The following SPAG16 variants were observed in gnomAD, a reference collection of about 807,000 sequenced individuals.
SPAG16 encodes the protein sperm-associated antigen 16 protein.
SPAG16 carries 86 observed loss-of-function variants against 80.4 expected under a neutral mutation model. The ratio of observed to expected loss-of-function variants is 1.07; its 90% CI spans 0.90 to 1.28. The LOEUF (loss-of-function observed/expected upper bound fraction) is 1.28. Among genes scored for constraint, SPAG16 ranks in the 50% most tolerant of loss-of-function variants. The probability of loss-of-function intolerance (pLI) is 0.00; values close to 1 mark genes in which losing one functional copy is unlikely to be tolerated. For synonymous variants in SPAG16, 294 were observed against 265.9 expected (o/e 1.11, Z -1.03); for missense variants, 870 against 765.3 (o/e 1.14, Z -1.61).
chr2:213,653,493 T>A (rs545695088), intron 10 of SPAG16, among the ~76,000 whole-genome samples: 1 of 152,328 alleles, frequency 6.6e-6, no homozygotes, highest in Admixed American at 6.5e-5. Context: ...TCAAGTGAGA[T>A]AATTTGTTGC....
intron 10 of SPAG16, among the ~76,000 whole-genome samples, chr2:213,765,089 C>T (rs544867410): frequency 1.4e-4 from 22 of 152,290 alleles, no homozygotes; most frequent in Admixed American, 4.6e-4. Flanking sequence ...AAACAGAGGC[C>T]GGGCACGATG....
chr2:213,416,460 A>C (rs1408105748), intron 9 of SPAG16, among the ~76,000 whole-genome samples: 2 of 151,910 alleles, frequency 1.3e-5, no homozygotes, highest in African/African-American at 4.8e-5. Context: ...TGTAAACACT[A>C]TTTCAGGGAA....
At chr2:213,553,077 C>G (rs2076834632) in intron 10 of SPAG16, among the ~76,000 whole-genome samples, 1 of 152,150 alleles carries the variant, frequency 6.6e-6, no homozygotes, top group African/African-American at 2.4e-5. Context: ...GGGACTTCAC[C>G]TTCACCTTGT....
chr2:214,366,399 G>A (rs1699484289), intron 15 of SPAG16, among the ~76,000 whole-genome samples: 2 of 152,110 alleles, frequency 1.3e-5, no homozygotes, highest in Non-Finnish European at 2.9e-5. Context: ...GAGAGTTTTG[G>A]TACGACCTAC....
chr2:213,343,468 T>A (rs1409886086), intron 6 of SPAG16, among the ~76,000 whole-genome samples: 1 of 151,676 alleles, frequency 6.6e-6, no homozygotes, highest in Non-Finnish European at 1.5e-5. Flanking sequence ...ATAAATAAAG[T>A]TTATACGTAT....
At chr2:213,778,222 T>A (rs1368865996) in intron 10 of SPAG16, among the ~76,000 whole-genome samples, 1 of 152,018 alleles carries the variant, frequency 6.6e-6, no homozygotes, top group African/African-American at 2.4e-5. Context: ...TTGCTTAACA[T>A]CTTTAATTAG....
chr2:213,742,265 A>G (rs1299294958), intron 10 of SPAG16, among the ~76,000 whole-genome samples: 2 of 152,186 alleles, frequency 1.3e-5, no homozygotes, highest in East Asian at 3.9e-4. Context: ...ATTCTGTCTT[A>G]TATACTTCTA....
At chr2:214,344,293 G>T (rs1168796526) in intron 15 of SPAG16, among the ~76,000 whole-genome samples, 1 of 152,108 alleles carries the variant, frequency 6.6e-6, no homozygotes, top group East Asian at 1.9e-4. Context: ...TGAAGTATTT[G>T]AAATAAAAAC....
chr2:214,043,923 C>T (rs2049172222), intron 13 of SPAG16, among the ~76,000 whole-genome samples: 1 of 151,992 alleles, frequency 6.6e-6, no homozygotes, highest in Non-Finnish European at 1.5e-5. Context: ...ATATAAGTCC[C>T]TTATTATTAT....
At chr2:213,992,299 T>G (rs1325950417) in intron 12 of SPAG16, among the ~76,000 whole-genome samples, 1 of 152,156 alleles carries the variant, frequency 6.6e-6, no homozygotes, top group Non-Finnish European at 1.5e-5. Context: ...CACTTGAATT[T>G]GAATTTCCTA....
intron 9 of SPAG16, among the ~76,000 whole-genome samples, chr2:213,397,500 T>C (rs1227588244): frequency 2.0e-5 from 3 of 149,444 alleles, no homozygotes; most frequent in Non-Finnish European, 4.4e-5. Flanking sequence ...ACCTCATCTT[T>C]TTGTCAATTA....
At chr2:213,455,795 C>T (rs995684597) in intron 9 of SPAG16, among the ~76,000 whole-genome samples, 89 of 152,314 alleles carry the variant, frequency 5.8e-4, no homozygotes, top group African/African-American at 1.6e-3. Context: ...GGCTCACCTC[C>T]TGTTGTGTGG....
intron 7 of SPAG16, among the ~76,000 whole-genome samples, chr2:213,360,576 T>C (rs975444652): frequency 6.6e-6 from 1 of 152,212 alleles, no homozygotes; most frequent in Non-Finnish European, 1.5e-5. Flanking sequence ...TGGAAACTGT[T>C]TGTGTACCCT....
intron 15 of SPAG16, among the ~76,000 whole-genome samples, chr2:214,381,115 C>T (rs1335615394): frequency 6.6e-6 from 1 of 152,190 alleles, no homozygotes; most frequent in Non-Finnish European, 1.5e-5. Flanking sequence ...TTCTACGAAG[C>T]AGTACCCCTG....
chr2:213,818,413 T>C (rs563405658), intron 10 of SPAG16, among the ~76,000 whole-genome samples: 3 of 152,292 alleles, frequency 2.0e-5, no homozygotes, highest in East Asian at 3.9e-4. Context: ...ACTTCCCCTG[T>C]AATGTTTCCT....
intron 10 of SPAG16, among the ~76,000 whole-genome samples, chr2:213,692,487 GAA>G (rs1488975871): frequency 6.6e-6 from 1 of 152,154 alleles, no homozygotes; most frequent in South Asian, 2.1e-4. Flanking sequence ...TGCTTTCTGT[GAA>G]AGAGTTATGC....
chr2:213,807,102 C>T (rs892674330), intron 10 of SPAG16, among the ~76,000 whole-genome samples: 1 of 152,166 alleles, frequency 6.6e-6, no homozygotes. Context: ...TAGTTTTATC[C>T]AGTAAATTTG....
intron 15 of SPAG16, among the ~76,000 whole-genome samples, chr2:214,216,385 G>A (rs994594414): frequency 1.3e-5 from 2 of 152,240 alleles, no homozygotes; most frequent in East Asian, 1.9e-4. Flanking sequence ...GCAGTGGCAC[G>A]ATCTCAGCTC....
At chr2:213,543,278 C>T (rs556518358) in intron 10 of SPAG16, among the ~76,000 whole-genome samples, 2 of 151,978 alleles carry the variant, frequency 1.3e-5, no homozygotes, top group African/African-American at 4.8e-5. Context: ...GCCTATTTCT[C>T]TATTAGACTC....
Sources: gnomAD v4.1 joint callset for allele counts (sites outside exome capture counted in the v4.1 genomes callset) on GRCh38, gnomAD v4.1.1 for gene constraint, MANE v1.5 for transcripts, NCBI Gene and HGNC (gene_info 2026-07-23, HGNC 2026-07-21) for gene names.